TAF1A: variants seen among roughly 807,000 people sequenced by gnomAD.
TAF1A encodes TATA-box binding protein associated factor, RNA polymerase I subunit A.
TAF1A carries 42 observed loss-of-function variants against 61.6 expected under a neutral mutation model. That is an observed-to-expected ratio of 0.68 (90% CI 0.53 to 0.88). TAF1A has a LOEUF of 0.88. Ranked by LOEUF, TAF1A falls within the 40% of genes least tolerant of loss-of-function variation. The pLI is 0.00. For synonymous variants in TAF1A, 179 were observed against 177.7 expected (o/e 1.01, Z -0.06); for missense variants, 424 against 518.7 (o/e 0.82, Z 1.77).
chr1:222,566,217 A>G (rs1362325903), intron 7 of TAF1A, among the ~76,000 whole-genome samples: 1 of 152,190 alleles, frequency 6.6e-6, no homozygotes, highest in African/African-American at 2.4e-5. Flanking sequence ...TAAGCACATG[A>G]AAAGATACAC....
chr1:222,563,125 G>GGGAA, intron 9 of TAF1A, 48 bp downstream of exon 9: 1 of 1,479,892 alleles, frequency 6.8e-7, no homozygotes, highest in South Asian at 1.2e-5. Flanking sequence ...AAAATATTGG[G>GGGAA]AAATATTATT....
rs1661183659 is a variant in TAF1A at position 222,589,825 on chromosome 1, T to C, written c.-101A>G. On this transcript the variant is annotated 5_prime_UTR_variant, in exon 1 of 11. The change creates a new upstream start codon in the 5' untranslated region. Transcript: ENST00000352967. Reference sequence around the variant, plus strand: ...CGGAAGACGAGTTAGGAGAGCTTTATATGAGCAGGCGCTAAACCTGGTTTA... The same window carrying C: ...CGGAAGACGAGTTAGGAGAGCTTTACATGAGCAGGCGCTAAACCTGGTTTA... 5.3e-6 allele frequency: 2 copies of C among 377,366 alleles called. No homozygotes were observed. The highest frequency in any genetic ancestry group is 2.9e-4 in the South Asian group (2 of 6,822). 23.4% of individuals were successfully genotyped at this position (377,366 alleles called of 1,614,324 possible). A position where few individuals can be genotyped will look rare whatever the true frequency, so the allele number is the denominator to read the frequency against.
At chr1:222,583,558 G>C (rs150720962) in intron 3 of TAF1A, among the ~76,000 whole-genome samples, 42 of 152,228 alleles carry the variant, frequency 2.8e-4, no homozygotes, top group African/African-American at 1.0e-3. Context: ...AGATAGAATA[G>C]GCTGGGCATG....
At chr1:222,564,818 CA>C (rs1660055641) in intron 7 of TAF1A, among the ~76,000 whole-genome samples, 1 of 151,868 alleles carries the variant, frequency 6.6e-6, no homozygotes, top group African/African-American at 2.4e-5. Flanking sequence ...AAATAATTTC[CA>C]ACAAAATTAA....
In TAF1A at chr1:222,570,679, C is replaced by T. The variant is rs370866758; in HGVS notation, c.605-14G>A. On this transcript the variant is annotated splice_polypyrimidine_tract_variant and intron_variant, in intron 5 of 10. Transcript: ENST00000352967. ...AATCATCCTTATCTGCCCAAAGATA[C>T]AAGATCTTTTAACATTCATTAAACA... 46 of 1,581,004 alleles carry T rather than the reference C, an allele frequency of 2.9e-5. No homozygotes were observed. The African/African-American group carries it at 5.3e-4, about 18-fold the overall frequency.
chr1:222,555,324 C>T (rs1224956996), downstream of TAF1A, among the ~76,000 whole-genome samples: 2 of 152,222 alleles, frequency 1.3e-5, no homozygotes, highest in Non-Finnish European at 2.9e-5. Flanking sequence ...TGCAGCATTA[C>T]TCAACGTCCT....
At position 222,563,217 on chromosome 1, in the gene TAF1A, A is replaced by G; in HGVS notation, c.1041T>C (p.Thr347=). The G allele has an allele frequency of 6.2e-7, 1 of 1,612,774 alleles. No individual in the cohort carries two copies. The highest frequency in any genetic ancestry group is 8.5e-7 in the Non-Finnish European group (1 of 1,179,190). Residue 347 remains threonine (T), a synonymous_variant, in exon 9 of 11, where the codon ACT becomes ACC. Coordinates refer to ENST00000352967, the MANE Select transcript of TAF1A (RefSeq NM_005681.4). ...GATATTTTGCCAAGTATTTCCAAGC[A>G]GTTATATTCTTAGTGCATCCGGCAA... The part of the protein sequence containing the change: ...LDFAGCTKNI[T]AWKYLAKYLK...
chr1:222,576,776 G>T (rs779106153), intron 5 of TAF1A, among the ~76,000 whole-genome samples: 10 of 152,220 alleles, frequency 6.6e-5, no homozygotes, highest in Non-Finnish European at 1.5e-4. Flanking sequence ...TAGGCACACA[G>T]GAAGAAATGT....
chr1:222,577,082 C>G (rs1660600475), intron 5 of TAF1A, among the ~76,000 whole-genome samples: 1 of 151,860 alleles, frequency 6.6e-6, no homozygotes, highest in Admixed American at 6.6e-5. Flanking sequence ...CCACCCCCAC[C>G]CTTTACAACC....
intron 10 of TAF1A, among the ~76,000 whole-genome samples, chr1:222,559,852 G>A (rs1025498766): frequency 2.0e-5 from 3 of 151,996 alleles, no homozygotes; most frequent in African/African-American, 7.3e-5. Context: ...AGTGGTGTCT[G>A]TAGTGTTACT....
intron 5 of TAF1A, among the ~76,000 whole-genome samples, chr1:222,575,033 A>T (rs973976999): frequency 2.0e-5 from 3 of 152,062 alleles, no homozygotes; most frequent in Non-Finnish European, 4.4e-5. Flanking sequence ...TTCTGTATCT[A>T]TTTCTCAATC....
At chr1:222,554,825 C>CT (rs573003848), downstream of TAF1A, among the ~76,000 whole-genome samples, 267 of 152,156 alleles carry the variant, frequency 1.8e-3, no homozygotes, top group African/African-American at 6.3e-3. Context: ...TCTTTTATTT[C>CT]TTTTTATGAG....
At chr1:222,563,877 T>C (rs1660012169) in intron 8 of TAF1A, among the ~76,000 whole-genome samples, 182 bp downstream of exon 8, 1 of 152,204 alleles carries the variant, frequency 6.6e-6, no homozygotes, top group African/African-American at 2.4e-5. Flanking sequence ...CTGTCACAAC[T>C]ACACGGCTCT....
At chr1:222,583,980 G>C in intron 3 of TAF1A, 148 bp downstream of exon 3, 1 of 733,206 alleles carries the variant, frequency 1.4e-6, no homozygotes, top group Non-Finnish European at 2.2e-6. Context: ...GTGCAAAAAA[G>C]GTCCCAATAC....
downstream of TAF1A, chr1:222,557,778 A>G (rs1004195127): frequency 6.6e-6 from 1 of 151,922 alleles, no homozygotes; most frequent in Non-Finnish European, 1.5e-5. Context: ...AGCCCACTCT[A>G]CTGCTATGAC....
At chr1:222,575,628 A>G (rs1435384640) in intron 5 of TAF1A, among the ~76,000 whole-genome samples, 3 of 152,212 alleles carry the variant, frequency 2.0e-5, no homozygotes, top group Admixed American at 6.5e-5. Context: ...ACAGAGCCAC[A>G]TAACAGCAAG....
intron 3 of TAF1A, among the ~76,000 whole-genome samples, chr1:222,581,369 TA>T (rs1660782491): frequency 6.6e-6 from 1 of 152,236 alleles, no homozygotes; most frequent in Non-Finnish European, 1.5e-5. Context: ...TTCTCTTTTT[TA>T]TTTTTTTTGC....
At chr1:222,583,864 C>T (rs946573898) in intron 3 of TAF1A, among the ~76,000 whole-genome samples, 1 of 147,288 alleles carries the variant, frequency 6.8e-6, no homozygotes, top group Non-Finnish European at 1.5e-5. Context: ...GATAGAATAA[C>T]AAAATTTTTA....
chr1:222,556,692 T>C (rs1460302076), downstream of TAF1A, among the ~76,000 whole-genome samples: 4 of 152,306 alleles, frequency 2.6e-5, no homozygotes, highest in East Asian at 7.7e-4. Flanking sequence ...ATAAGAACAT[T>C]TGATGTAAAA....
Sources: allele counts gnomAD v4.1 joint callset (sites outside exome capture counted in the v4.1 genomes callset), GRCh38; gene constraint gnomAD v4.1.1; transcripts MANE v1.5; gene names NCBI Gene and HGNC (gene_info 2026-07-23, HGNC 2026-07-21).